TSHZ2: variants seen among roughly 807,000 people sequenced by gnomAD.
TSHZ2 encodes the protein teashirt zinc finger homeobox 2.
In TSHZ2, 21 loss-of-function variants were observed where a neutral mutation model predicts 74.4. That is an observed-to-expected ratio of 0.28 (90% CI 0.20 to 0.41). TSHZ2 has a LOEUF of 0.41. TSHZ2 is among the 10% of genes least tolerant of loss of function. TSHZ2 has a pLI of 1.00. For missense variants in TSHZ2, 1,244 were observed against 1,293.5 expected (o/e 0.96, Z 0.59); for synonymous variants, 540 against 515.3 (o/e 1.05, Z -0.65).
chr20:53,262,403 A>G (rs1030548230), intron 2 of TSHZ2, among the ~76,000 whole-genome samples: 4 of 152,146 alleles, frequency 2.6e-5, no homozygotes, highest in South Asian at 2.1e-4. Context: ...TTGTTCATCA[A>G]ACGGCTCCTA....
chr20:53,032,328 T>C (rs986812191), intron 1 of TSHZ2, among the ~76,000 whole-genome samples: 3 of 152,232 alleles, frequency 2.0e-5, no homozygotes, highest in Non-Finnish European at 1.5e-5. Context: ...AACTTGATGT[T>C]CTCCCATAGC....
intron 1 of TSHZ2, among the ~76,000 whole-genome samples, chr20:53,017,022 C>A (rs534621798): frequency 4.9e-4 from 74 of 152,120 alleles, no homozygotes; most frequent in Non-Finnish European, 8.8e-4. Context: ...CTGTAAGAAA[C>A]CCTGTTCATT....
At chr20:53,180,158 G>C (rs2123507901) in intron 1 of TSHZ2, among the ~76,000 whole-genome samples, 1 of 152,318 alleles carries the variant, frequency 6.6e-6, no homozygotes, top group African/African-American at 2.4e-5. Context: ...GAAAGAGATT[G>C]GGAGAAAGGG....
At chr20:53,166,318 T>G (rs1182896922) in intron 1 of TSHZ2, among the ~76,000 whole-genome samples, 1 of 152,138 alleles carries the variant, frequency 6.6e-6, no homozygotes, top group Non-Finnish European at 1.5e-5. Context: ...CACACAGACA[T>G]TGAATAAGGC....
intron 2 of TSHZ2, among the ~76,000 whole-genome samples, chr20:53,274,314 A>G (rs1281708191): frequency 2.6e-5 from 4 of 152,206 alleles, no homozygotes; most frequent in African/African-American, 9.6e-5. Context: ...ATGCTTCTCC[A>G]GGAATTACGA....
intron 1 of TSHZ2, among the ~76,000 whole-genome samples, chr20:53,130,275 G>C (rs1987068218): frequency 6.6e-6 from 1 of 152,004 alleles, no homozygotes; most frequent in East Asian, 1.9e-4. Context: ...AAACAGTCAT[G>C]GGAGCAAGGG....
chr20:53,340,100 C>A (rs999352420), intron 2 of TSHZ2, among the ~76,000 whole-genome samples: 2 of 151,192 alleles, frequency 1.3e-5, no homozygotes, highest in Non-Finnish European at 2.9e-5. Flanking sequence ...TTTCCAGAAG[C>A]AATAAATGCC....
rs750551003 is a variant in TSHZ2, at chr20:53,489,074, T to C, written c.*1939T>C. 8 of 456,112 alleles carry C rather than the reference T, an allele frequency of 1.8e-5. No individual in the cohort carries two copies. The highest frequency in any genetic ancestry group is 6.0e-5 in the African/African-American group (3 of 50,060). 28.3% of individuals were successfully genotyped at this position (456,112 alleles called of 1,614,324 possible). ...TGAGATGGCAGTCGAAATAGCTTCATTGAAGTGTCAGCACTCATCCATCAA... is the reference window on the plus strand; with the variant it reads ...TGAGATGGCAGTCGAAATAGCTTCACTGAAGTGTCAGCACTCATCCATCAA... On this transcript the variant is annotated 3_prime_UTR_variant, in exon 3 of 3. Coordinates refer to ENST00000371497, the MANE Select transcript of TSHZ2 (RefSeq NM_173485.6).
At chr20:53,033,309 T>A (rs1402164428) in intron 1 of TSHZ2, among the ~76,000 whole-genome samples, 2 of 152,194 alleles carry the variant, frequency 1.3e-5, no homozygotes, top group African/African-American at 4.8e-5. Flanking sequence ...GTTGGCTGGG[T>A]ACTTCATGTG....
At chr20:53,253,468 T>C (rs762922819) in intron 1 of TSHZ2, 31 bp from the exon 2 acceptor site, 1 of 1,560,360 alleles carries the variant, frequency 6.4e-7, no homozygotes, top group Non-Finnish European at 8.7e-7. Context: ...AGCCTGTTAC[T>C]GTCGTTTCAT....
At chr20:53,343,083 C>T (rs1325923121) in intron 2 of TSHZ2, among the ~76,000 whole-genome samples, 7 of 149,834 alleles carry the variant, frequency 4.7e-5, no homozygotes, top group Non-Finnish European at 7.4e-5. Context: ...TCTCCTGCCT[C>T]AGCCTCCCAA....
intron 1 of TSHZ2, among the ~76,000 whole-genome samples, chr20:53,127,333 T>A (rs1986973286): frequency 6.6e-6 from 1 of 152,214 alleles, no homozygotes; most frequent in Non-Finnish European, 1.5e-5. Context: ...GAAATAAGCT[T>A]ACTTCAAGAT....
chr20:53,195,681 C>T (rs1988845925), intron 1 of TSHZ2, among the ~76,000 whole-genome samples: 1 of 152,182 alleles, frequency 6.6e-6, no homozygotes, highest in Non-Finnish European at 1.5e-5. Context: ...TTCCAGCATA[C>T]AAAGTGGCTA....
At chr20:53,401,773 T>C (rs891723438) in intron 2 of TSHZ2, among the ~76,000 whole-genome samples, 2 of 143,200 alleles carry the variant, frequency 1.4e-5, no homozygotes, top group African/African-American at 5.8e-5. Flanking sequence ...CAACACATTT[T>C]CTTTTTTTTT....
At chr20:53,077,215 C>T (rs931808172) in intron 1 of TSHZ2, among the ~76,000 whole-genome samples, 1 of 151,482 alleles carries the variant, frequency 6.6e-6, no homozygotes, top group African/African-American at 2.4e-5. Flanking sequence ...GAGTTCGATA[C>T]CAGCCTGGGC....
chr20:53,330,478 G>A (rs1357547020), intron 2 of TSHZ2, among the ~76,000 whole-genome samples: 4 of 152,122 alleles, frequency 2.6e-5, no homozygotes, highest in African/African-American at 4.8e-5. Flanking sequence ...ACGTGAATAC[G>A]GTTAGTGCAG....
intron 1 of TSHZ2, among the ~76,000 whole-genome samples, chr20:53,057,936 C>T (rs922688103): frequency 3.3e-5 from 5 of 152,114 alleles, no homozygotes; most frequent in African/African-American, 4.8e-5. Flanking sequence ...TGTCTTAGAT[C>T]GGTGGTCCCC....
At chr20:52,997,473 A>G (rs1230314560) in intron 1 of TSHZ2, among the ~76,000 whole-genome samples, 1 of 152,316 alleles carries the variant, frequency 6.6e-6, no homozygotes, top group Non-Finnish European at 1.5e-5. Context: ...TCGTGTTTGT[A>G]AGATTTCATT....
At chr20:53,278,428 C>T (rs1039434017) in intron 2 of TSHZ2, among the ~76,000 whole-genome samples, 2 of 152,146 alleles carry the variant, frequency 1.3e-5, no homozygotes, top group Non-Finnish European at 2.9e-5. Context: ...GATGCTTTTC[C>T]CATGTCACTT....
Sources: allele counts gnomAD v4.1 joint callset (sites outside exome capture counted in the v4.1 genomes callset), GRCh38; gene constraint gnomAD v4.1.1; transcripts MANE v1.5; gene names NCBI Gene and HGNC (gene_info 2026-07-23, HGNC 2026-07-21).